Variants in BCAP31 observed in about 807,000 individuals in gnomAD.
BCAP31 encodes the protein B cell receptor associated protein 31.
For synonymous variants in BCAP31, 75 were observed against 80.9 expected (o/e 0.93, Z 0.39); for missense variants, 124 against 193.0 (o/e 0.64, Z 2.12).
chrX:153,717,581 TTTTTTC>T (rs1474861966), intron 3 of BCAP31, among the ~76,000 whole-genome samples: 2 of 112,370 alleles, frequency 1.8e-5, no homozygotes, highest in Non-Finnish European at 3.8e-5. Context: ...ACTCAGTTAA[TTTTTTC>T]TTTTTCTATT....
intron 5 of BCAP31, 30 bp downstream of exon 5, chrX:153,703,929 C>T (rs1557047896): frequency 1.7e-6 from 2 of 1,207,085 alleles, no homozygotes; most frequent in South Asian, 1.8e-5. Flanking sequence ...CACCAGGACG[C>T]CCCATGGTGG....
chrX:153,711,587 T>G (rs781895412), intron 4 of BCAP31, among the ~76,000 whole-genome samples: 13 of 112,128 alleles, frequency 1.2e-4, no homozygotes, highest in Admixed American at 6.6e-4. Flanking sequence ...GAACTGAGCC[T>G]CTCAGTGGGA....
At position 153,703,142 on chromosome X, in the gene BCAP31, T is replaced by A. The variant is rs12353769; in HGVS notation, c.478-84A>T. 0.014 allele frequency: 15,413 copies of A among 1,139,528 alleles called. 1,229 individuals carry two copies. In the African/African-American group the frequency reaches 0.24, roughly 18 times the overall value. 93.9% of individuals were successfully genotyped at this position (1,139,528 alleles called of 1,213,427 possible). ...CCCATCCTCCCCACCGAGCTGCGGT[T>A]CCTCAAGCTGCCCTGGCCACACGCC... On this transcript the variant is annotated intron_variant, in intron 5 of 7. Coordinates refer to ENST00000345046, the MANE Select transcript of BCAP31 (RefSeq NM_001256447.2).
chrX:153,714,240 C>T (rs1267064707), intron 4 of BCAP31, among the ~76,000 whole-genome samples: 2 of 107,071 alleles, frequency 1.9e-5, no homozygotes, highest in African/African-American at 6.8e-5. Flanking sequence ...CTAGTTTCCT[C>T]TCTTTCCCTC....
intron 4 of BCAP31, among the ~76,000 whole-genome samples, chrX:153,707,979 T>C (rs1383713024): frequency 8.8e-6 from 1 of 113,142 alleles, no homozygotes; most frequent in Non-Finnish European, 1.9e-5. Flanking sequence ...ATCACTGTTC[T>C]TAGCTATTCA....
At chrX:153,724,250 G>C (rs1226812855) in intron 1 of BCAP31, 84 bp downstream of exon 1, 1 of 208,412 alleles carries the variant, frequency 4.8e-6, no homozygotes, top group African/African-American at 3.2e-5. Context: ...GGGCCTCCCC[G>C]CGCCGCTCGC....
chrX:153,716,796 A>C (rs1315267378), intron 3 of BCAP31, among the ~76,000 whole-genome samples: 1 of 111,222 alleles, frequency 9.0e-6, no homozygotes, highest in Non-Finnish European at 1.9e-5. Flanking sequence ...CAAACAAAAA[A>C]ATAGGAGTCA....
At chrX:153,722,807 G>A (rs781854162) in intron 2 of BCAP31, among the ~76,000 whole-genome samples, 32 of 110,996 alleles carry the variant, frequency 2.9e-4, no homozygotes, top group Non-Finnish European at 4.2e-4. Context: ...ACCCAGTGGT[G>A]CAAGTCTTCC....
chrX:153,711,644 C>T (rs781812261), intron 4 of BCAP31, among the ~76,000 whole-genome samples: 1 of 112,056 alleles, frequency 8.9e-6, no homozygotes, highest in African/African-American at 3.2e-5. Context: ...TGGCTCATGC[C>T]TGTATTCCCA....
chrX:153,704,195 TGGACCTGCCCTCTTGCCAA>T (rs1557047986), intron 4 of BCAP31, 101 bp from the exon 5 acceptor site: 1 of 937,835 alleles, frequency 1.1e-6, no homozygotes, highest in African/African-American at 2.0e-5. Context: ...AGCTCCAGCC[TGGACCTGCCCTCTTGCCAA>T]GGCAGCCGAG....
intron 3 of BCAP31, among the ~76,000 whole-genome samples, chrX:153,717,734 C>T (rs1267578880): frequency 1.8e-5 from 2 of 112,193 alleles, no homozygotes; most frequent in African/African-American, 3.2e-5. Flanking sequence ...TCTTAATTTC[C>T]GGTTTTAGGC....
intron 3 of BCAP31, among the ~76,000 whole-genome samples, chrX:153,717,139 C>A (rs2148381274): frequency 8.9e-6 from 1 of 112,418 alleles, no homozygotes; most frequent in African/African-American, 3.2e-5. Context: ...GAGCAGAAAT[C>A]TTTTATACTA....
rs184543070 is a variant in BCAP31, at chrX:153,709,931, T to C, written c.341+5611A>G. On this transcript the variant is annotated intron_variant, in intron 4 of 7. Coordinates refer to ENST00000345046, the MANE Select transcript of BCAP31 (RefSeq NM_001256447.2). Reference sequence around the variant, plus strand: ...TCAGAGCTGCGTGTGCAGGCTGCCCTGGGACCCGAGGACAGCGCTATGGGT... The same window carrying C: ...TCAGAGCTGCGTGTGCAGGCTGCCCCGGGACCCGAGGACAGCGCTATGGGT... 4.3e-3 allele frequency among the ~76,000 whole-genome samples: 489 copies of C among 112,554 alleles called. 4 individuals are homozygous for C. The highest frequency in any genetic ancestry group is 0.015 in the African/African-American group (465 of 31,025).
chrX:153,705,705 C>T (rs1325781943), intron 4 of BCAP31, among the ~76,000 whole-genome samples: 1 of 112,375 alleles, frequency 8.9e-6, no homozygotes, highest in Non-Finnish European at 1.9e-5. Context: ...AGACCCAGGC[C>T]CCCGGCAAGG....
chrX:153,704,612 C>T (rs1428371826), intron 4 of BCAP31, among the ~76,000 whole-genome samples: 5 of 111,939 alleles, frequency 4.5e-5, no homozygotes, highest in Non-Finnish European at 9.4e-5. Flanking sequence ...ATCAATGTAC[C>T]CAAGGCCAAA....
intron 4 of BCAP31, among the ~76,000 whole-genome samples, chrX:153,710,943 C>A (rs1307812117): frequency 1.8e-5 from 2 of 111,694 alleles, no homozygotes; most frequent in Non-Finnish European, 3.8e-5. Context: ...TCCCTTTGCC[C>A]TGGCCTCAAT....
intron 2 of BCAP31, among the ~76,000 whole-genome samples, chrX:153,722,223 G>T (rs1159969990): frequency 8.9e-6 from 1 of 111,977 alleles, no homozygotes; most frequent in African/African-American, 3.2e-5. Flanking sequence ...CAGGGCTAGA[G>T]TTGAATATGC....
rs147422410 is a variant in BCAP31 at position 153,700,722 on chromosome X, C to G, written c.*215G>C. The G allele has an allele frequency of 1.2e-3, 465 of 386,665 alleles. No individual in the cohort carries two copies. The highest frequency in any genetic ancestry group is 1.8e-3 in the Non-Finnish European group (395 of 224,017). The allele number at this position is 386,665 out of a possible 1,213,427, so 31.9% of individuals were successfully genotyped here. ...GGCCTGGCCAGGCCAAGCAGGATGA[C>G]AGCAAACGCATTCTGAACGTGTAGC... On this transcript the variant is annotated 3_prime_UTR_variant, in exon 8 of 8. Transcript: ENST00000345046.
intron 4 of BCAP31, among the ~76,000 whole-genome samples, chrX:153,712,083 G>A (rs1364526354): frequency 6.3e-5 from 7 of 111,036 alleles, no homozygotes; most frequent in Non-Finnish European, 9.4e-5. Context: ...CTGCAGGCTC[G>A]ACATCCACCA....
Sources: gnomAD v4.1 joint callset for allele counts (sites outside exome capture counted in the v4.1 genomes callset) on GRCh38, gnomAD v4.1.1 for gene constraint, MANE v1.5 for transcripts, NCBI Gene and HGNC (gene_info 2026-07-23, HGNC 2026-07-21) for gene names.